The following MACF1 variants were observed in gnomAD, a reference collection of about 807,000 sequenced individuals.
MACF1 encodes the protein microtubule actin crosslinking factor 1.
Under a neutral mutation model 854.8 loss-of-function variants are expected in MACF1, and 193 were observed. The ratio of observed to expected loss-of-function variants is 0.23; its 90% confidence interval spans 0.20 to 0.25. The LOEUF is 0.25. MACF1 is among the 10% of genes least tolerant of loss of function. The pLI, the probability that MACF1 is intolerant of heterozygous loss-of-function variation, is 1.00. For missense variants in MACF1, 7,722 were observed against 8,929.1 expected (o/e 0.86, Z 5.45); for synonymous variants, 3,185 against 3,226.7 (o/e 0.99, Z 0.44).
At chr1:39,310,684 A>G (rs1646281907) in intron 25 of MACF1, 147 bp from the exon 26 acceptor site, 11 of 856,938 alleles carry the variant, frequency 1.3e-5, no homozygotes, top group Non-Finnish European at 1.9e-5. Flanking sequence ...GGACTCTCAA[A>G]GATTAGTATA....
Position 39,351,005 on chromosome 1 carries a change from A to G in MACF1, c.11186A>G (p.Gln3729Arg), listed in dbSNP as rs1319009020. 6.2e-7 allele frequency: 1 copy of G among 1,613,796 alleles called. No individual in the cohort carries two copies. The highest frequency in any genetic ancestry group is 8.5e-7 in the Non-Finnish European group (1 of 1,179,734). ...GAAGCAGTGACCTCCGCCTTACAGC[A>G]GGAGACTGAAAAGGTAATAGACTGC... ...LEEAVTSALQ[Q>R]ETEKSKAAKE... The change falls in exon 43 of 101, where the codon CAG becomes CGG. Residue 3729 changes from glutamine to arginine, a missense_variant. By Grantham distance (43) the Gln-to-Arg change is conservative. Transcript: ENST00000564288.
chr1:39,395,428 G>A (rs1040820588), intron 58 of MACF1, among the ~76,000 whole-genome samples: 1 of 152,212 alleles, frequency 6.6e-6, no homozygotes, highest in Non-Finnish European at 1.5e-5. Context: ...TTTCCTTTAA[G>A]CCAGGCTCTG....
At position 39,485,800 on chromosome 1, in the gene MACF1, T is replaced by C. The variant is rs764395100; in HGVS notation, c.*6T>C. Reference sequence around the variant, plus strand: ...CTCCAGGTCCCAAGCGATAACACTGTCTAAGCACCCCCAAGCCACTATCCA... The same window carrying C: ...CTCCAGGTCCCAAGCGATAACACTGCCTAAGCACCCCCAAGCCACTATCCA... On this transcript the variant is annotated 3_prime_UTR_variant, in exon 101 of 101. Coordinates refer to ENST00000564288, the MANE Select transcript of MACF1 (RefSeq NM_001394062.1). 6.3e-7 allele frequency: 1 copy of C among 1,575,226 alleles called. No homozygotes were observed. The highest frequency in any genetic ancestry group is 1.8e-5 in the Admixed American group (1 of 57,076).
At chr1:39,471,375 A>G (rs1570201340) in intron 97 of MACF1, among the ~76,000 whole-genome samples, 1 of 152,154 alleles carries the variant, frequency 6.6e-6, no homozygotes. Context: ...GTACTCATTT[A>G]TGTTGCATAT....
chr1:39,283,562 G>T lies in MACF1; in HGVS notation c.915+47G>T. The T allele has an allele frequency of 7.4e-7, 1 of 1,347,568 alleles. No individual in the cohort carries two copies. Among genetic ancestry groups the T allele is most frequent in the South Asian group, 1.2e-5 (1 of 84,788 alleles). 83.5% of individuals were successfully genotyped at this position (1,347,568 alleles called of 1,614,324 possible). On this transcript the variant is annotated intron_variant, in intron 9 of 100. Coordinates refer to ENST00000564288, the MANE Select transcript of MACF1 (RefSeq NM_001394062.1). The surrounding 1 kb of genome is among the most constrained non-coding windows in gnomAD (Gnocchi z 4.5). ...AGGCCTTCTGACTTTGATTCATTTGGGTGAAATGCATTGGTTAGACACTTT... is the reference window on the plus strand; with the variant it reads ...AGGCCTTCTGACTTTGATTCATTTGTGTGAAATGCATTGGTTAGACACTTT...
In MACF1 at chr1:39,387,502, T is replaced by G. The variant is rs762802633; in HGVS notation, c.14660T>G (p.Leu4887Arg). ...LVELKNHWEE[L>R]SKKTADRQSR... ...GAGCTCAAAAACCATTGGGAAGAGC[T>G]TAGTAAAAAAACTGCAGACAGACAA... The change falls in exon 58 of 101, where the codon CTT (leucine) becomes CGT (arginine). Residue 4887 changes from leucine to arginine, a missense_variant. Physicochemically the swap from Leu to Arg is moderately radical, Grantham distance 102. This residue lies in a region of MACF1 where 2,807 missense variants were observed against 3,235.8 expected (regional missense o/e 0.87). Coordinates refer to ENST00000564288, the MANE Select transcript of MACF1 (RefSeq NM_001394062.1). The G allele has an allele frequency of 1.2e-6, 2 of 1,614,128 alleles. No homozygotes were observed. Among genetic ancestry groups the G allele is most frequent in the Admixed American group, 1.7e-5 (1 of 60,006 alleles).
chr1:39,250,988 GA>G (rs1403418222), intron 3 of MACF1, among the ~76,000 whole-genome samples: 1 of 152,170 alleles, frequency 6.6e-6, no homozygotes, highest in African/African-American at 2.4e-5. Context: ...GAGAAATAGA[GA>G]ACCAAAGAGA....
chr1:39,374,832 C>A lies in MACF1; in HGVS notation c.13213+2236C>A, dbSNP rs116413660. 9.9e-5 allele frequency among the ~76,000 whole-genome samples: 15 copies of A among 152,158 alleles called. No homozygotes were observed. The East Asian group carries it at 2.3e-3, about 23-fold the overall frequency. ...TAAAACAAAACATTTTGTTGGCTGC[C>A]GGGCGCAGTGGCTCACGCCTGTAAT... On this transcript the variant is annotated intron_variant, in intron 52 of 100. Coordinates refer to ENST00000564288, the MANE Select transcript of MACF1 (RefSeq NM_001394062.1).
chr1:39,115,374 A>C (rs551194386), intron 2 of MACF1, among the ~76,000 whole-genome samples: 1 of 152,224 alleles, frequency 6.6e-6, no homozygotes, highest in Admixed American at 6.5e-5. Flanking sequence ...GACTAATTGT[A>C]TGTGGTATAT....
intron 1 of MACF1, among the ~76,000 whole-genome samples, chr1:39,230,265 T>C (rs1387292574): frequency 6.6e-6 from 1 of 152,150 alleles, no homozygotes; most frequent in Non-Finnish European, 1.5e-5. Context: ...TAGGCACAGA[T>C]GCATTGTCAC....
chr1:39,190,128 A>C (rs955076211), intron 2 of MACF1, among the ~76,000 whole-genome samples: 4 of 152,146 alleles, frequency 2.6e-5, no homozygotes, highest in African/African-American at 9.7e-5. Flanking sequence ...ATATGTGCTT[A>C]TTTAGATATT....
intron 2 of MACF1, among the ~76,000 whole-genome samples, chr1:39,187,133 A>C (rs1314939175): frequency 6.6e-6 from 1 of 151,992 alleles, no homozygotes; most frequent in Non-Finnish European, 1.5e-5. Flanking sequence ...CGTTATATTC[A>C]GTGTTCAGAT....
At chr1:39,191,742 A>G (rs1183518339) in intron 2 of MACF1, among the ~76,000 whole-genome samples, 8 of 152,176 alleles carry the variant, frequency 5.3e-5, no homozygotes, top group Non-Finnish European at 8.8e-5. Context: ...AATCATACTC[A>G]TTGGCTTTTC....
At chr1:39,206,031 T>C (rs1030658956) in intron 1 of MACF1, among the ~76,000 whole-genome samples, 5 of 152,198 alleles carry the variant, frequency 3.3e-5, no homozygotes, top group Admixed American at 3.3e-4. Flanking sequence ...CTTAGGTATG[T>C]AGACACTTTT....
rs777420143 is a variant in MACF1 at position 39,333,593 on chromosome 1, C to G, written c.7005C>G (p.Phe2335Leu). The G allele has an allele frequency of 8.7e-6, 14 of 1,614,194 alleles. No homozygotes were observed. The South Asian group carries it at 1.5e-4, about 18-fold the overall frequency. The change falls in exon 37 of 101, where the codon TTC becomes TTG. Residue 2335 changes from phenylalanine to leucine, a missense_variant. By Grantham distance (22) the Phe-to-Leu change is conservative. Coordinates refer to ENST00000564288, the MANE Select transcript of MACF1 (RefSeq NM_001394062.1). ...AGAAGCTGAACATGTTTCAGGGGTT[C>G]TTTGACTCTCAGACTTGTGAGTCTT... is the stretch of plus-strand genomic sequence containing the variant. ...LMEKLNMFQG[F>L]FDSQTCESLT...
At chr1:39,102,296 G>A (rs1642111323) in intron 2 of MACF1, among the ~76,000 whole-genome samples, 1 of 152,204 alleles carries the variant, frequency 6.6e-6, no homozygotes, top group Non-Finnish European at 1.5e-5. Context: ...AGGTGCTAAG[G>A]ATCCTGTGGT....
chr1:39,261,952 T>C, intron 6 of MACF1, among the ~76,000 whole-genome samples: 1 of 152,234 alleles, frequency 6.6e-6, no homozygotes. Flanking sequence ...CTTTACATCC[T>C]CACCAGTATT....
chr1:39,177,029 A>G (rs1644038451), intron 2 of MACF1, among the ~76,000 whole-genome samples: 1 of 152,206 alleles, frequency 6.6e-6, no homozygotes, highest in South Asian at 2.1e-4. Flanking sequence ...GATATATTTG[A>G]GAATTATGTA....
In MACF1 at chr1:39,409,226, C is replaced by A. The variant is rs1642869225; in HGVS notation, c.15817-13148C>A. Among the ~76,000 whole-genome samples the A allele has an allele frequency of 6.6e-6, 1 of 152,006 alleles. No individual in the cohort carries two copies. The highest frequency in any genetic ancestry group is 1.5e-5 in the Non-Finnish European group (1 of 67,956). On this transcript the variant is annotated intron_variant, in intron 58 of 100. Coordinates refer to ENST00000564288, the MANE Select transcript of MACF1 (RefSeq NM_001394062.1). The surrounding 1 kb of genome is among the most constrained non-coding windows in gnomAD (Gnocchi z 4.2). ...GCGGGCGGGGAGGACGGCGGGGCCG[C>A]GGGGCCAGCGGCGTGGTGGAGAATA...
Sources: gnomAD v4.1 joint callset for allele counts (sites outside exome capture counted in the v4.1 genomes callset) on GRCh38, gnomAD v4.1.1 for gene constraint, gnomAD v4.1.1 regional missense constraint, Gnocchi (gnomAD v3.1) non-coding constraint, MANE v1.5 for transcripts, NCBI Gene and HGNC (gene_info 2026-07-23, HGNC 2026-07-21) for gene names.